LDLRAD4: variants seen among roughly 807,000 people sequenced by gnomAD.
LDLRAD4 encodes the protein low density lipoprotein receptor class A domain containing 4.
A neutral mutation model predicts 17.0 loss-of-function variants in LDLRAD4; 5 were observed. That is an observed-to-expected ratio of 0.29 (90% CI 0.15 to 0.62). The LOEUF (loss-of-function observed/expected upper bound fraction) is 0.62, where lower values mean the gene tolerates loss of function less well. LDLRAD4 is among the 20% of genes least tolerant of loss of function. LDLRAD4 has a pLI of 0.84. For missense variants in LDLRAD4, 340 were observed against 424.7 expected, an observed-to-expected ratio of 0.80 and a Z score of 1.75; for synonymous variants, 168 against 171.8, an observed-to-expected ratio of 0.98 and a Z score of 0.17.
At chr18:13,294,204 T>C (rs1432760168) in intron 1 of LDLRAD4, among the ~76,000 whole-genome samples, 1 of 152,228 alleles carries the variant, frequency 6.6e-6, no homozygotes, top group Middle Eastern at 3.2e-3. Context: ...AGTTTAACTC[T>C]GTAAAGTAAG....
At chr18:13,284,176 G>A (rs915219096) in intron 1 of LDLRAD4, among the ~76,000 whole-genome samples, 1 of 152,154 alleles carries the variant, frequency 6.6e-6, no homozygotes, top group African/African-American at 2.4e-5. Context: ...GATGCCGAAT[G>A]CCCTTGTTCA....
chr18:13,274,354 C>T (rs1193884371), upstream of LDLRAD4, among the ~76,000 whole-genome samples: 1 of 152,174 alleles, frequency 6.6e-6, no homozygotes, highest in Admixed American at 6.5e-5. Flanking sequence ...GCCAGTGACC[C>T]CTCCAGTTCC....
At chr18:13,232,876 G>A (rs778226862) in intron 1 of LDLRAD4, among the ~76,000 whole-genome samples, 1 of 152,228 alleles carries the variant, frequency 6.6e-6, no homozygotes, top group African/African-American at 2.4e-5. Context: ...GAAGCTGGCA[G>A]CAGGGAGAGA....
At chr18:13,356,389 G>A (rs1029011448) in intron 1 of LDLRAD4, among the ~76,000 whole-genome samples, 1 of 152,200 alleles carries the variant, frequency 6.6e-6, no homozygotes, top group Non-Finnish European at 1.5e-5. Flanking sequence ...TAAAGCTAGT[G>A]TAGCTTATTT....
At chr18:13,607,474 G>A (rs910855038) in intron 3 of LDLRAD4, among the ~76,000 whole-genome samples, 1 of 151,924 alleles carries the variant, frequency 6.6e-6, no homozygotes, top group Non-Finnish European at 1.5e-5. Context: ...TGTGCTGTAT[G>A]TGCAGGTTTG....
At chr18:13,529,269 A>T (rs2094088358) in intron 3 of LDLRAD4, among the ~76,000 whole-genome samples, 1 of 152,240 alleles carries the variant, frequency 6.6e-6, no homozygotes, top group African/African-American at 2.4e-5. Flanking sequence ...TTTCAGAACT[A>T]GCTACTTGGG....
rs570055463 is a variant in LDLRAD4 at position 13,345,659 on chromosome 18, G to A, written c.-382-41682G>A. Among the ~76,000 whole-genome samples the A allele has an allele frequency of 1.7e-3, 253 of 152,212 alleles. 2 individuals are homozygous for A. The highest frequency in any genetic ancestry group is 5.8e-3 in the African/African-American group (242 of 41,542). Reference sequence around the variant, plus strand: ...TTGGAATAGTTTCAGAAGGAATGGTGCCAGCTCCTCCTTGTACCTCTGGTA... The same window carrying A: ...TTGGAATAGTTTCAGAAGGAATGGTACCAGCTCCTCCTTGTACCTCTGGTA... On this transcript the variant is annotated intron_variant, in intron 1 of 5. Coordinates refer to ENST00000359446, the Ensembl canonical transcript of LDLRAD4.
chr18:13,368,061 A>G (rs754107914), intron 1 of LDLRAD4, among the ~76,000 whole-genome samples: 3 of 152,096 alleles, frequency 2.0e-5, no homozygotes, highest in Non-Finnish European at 4.4e-5. Context: ...TGTGGGAGGA[A>G]GGGTCTGTTT....
exon 6 of LDLRAD4, chr18:13,652,638 A>AAAG (rs1056584278): frequency 6.2e-4 from 95 of 152,780 alleles, no homozygotes; most frequent in African/African-American, 2.2e-3. Context: ...CAATACTTTT[A>AAAG]AAGAAAGATG....
In LDLRAD4 at chr18:13,572,543, TTTTA is replaced by T. The variant is rs35900079; in HGVS notation, c.182-48570_182-48567del. On this transcript the variant is annotated intron_variant, in intron 3 of 5. Transcript: ENST00000359446. ...TCCTTGTCAAGAGGGTTCCTGAATCTTTTATTTGGCTTCAATGCACATTGAGTAA... is the reference window on the plus strand; with the variant it reads ...TCCTTGTCAAGAGGGTTCCTGAATCTTTTGGCTTCAATGCACATTGAGTAA... Among the ~76,000 whole-genome samples the T allele has an allele frequency of 9.0e-3, 1,368 of 152,344 alleles. 6 individuals carry two copies. The highest frequency in any genetic ancestry group is 0.023 in the South Asian group (112 of 4,824).
chr18:13,224,457 A>C (rs947518021), intron 1 of LDLRAD4, among the ~76,000 whole-genome samples: 1 of 133,330 alleles, frequency 7.5e-6, no homozygotes, highest in African/African-American at 2.8e-5. Flanking sequence ...AGAGCACTAT[A>C]GTTTCTTTCT....
intron 1 of LDLRAD4, among the ~76,000 whole-genome samples, chr18:13,352,473 C>G (rs1245008317): frequency 6.6e-6 from 1 of 152,098 alleles, no homozygotes; most frequent in Non-Finnish European, 1.5e-5. Flanking sequence ...TGCTGATTAT[C>G]TTACTGGATA....
chr18:13,407,248 C>T (rs116597921), intron 2 of LDLRAD4, among the ~76,000 whole-genome samples: 3 of 152,140 alleles, frequency 2.0e-5, no homozygotes. Context: ...CTGAATGTGG[C>T]TCCAGAGCTT....
intron 1 of LDLRAD4, among the ~76,000 whole-genome samples, chr18:13,323,170 G>A (rs112429722): frequency 0.012 from 1,883 of 152,292 alleles, 22 homozygotes; most frequent in African/African-American, 0.034. Context: ...TTAGAAATTT[G>A]CCTTTTAAAA....
intron 1 of LDLRAD4, among the ~76,000 whole-genome samples, chr18:13,294,264 G>A (rs59204123): frequency 6.6e-6 from 1 of 152,248 alleles, no homozygotes; most frequent in Non-Finnish European, 1.5e-5. Context: ...TGAAAGGGCT[G>A]AAGGTGGTCC....
At chr18:13,418,031 A>G (rs2089087059) in intron 2 of LDLRAD4, among the ~76,000 whole-genome samples, 1 of 152,208 alleles carries the variant, frequency 6.6e-6, no homozygotes. Flanking sequence ...ATCTCGTTTA[A>G]GGTGCTGACA....
chr18:13,397,714 C>T (rs577757368), intron 2 of LDLRAD4, among the ~76,000 whole-genome samples: 53 of 152,356 alleles, frequency 3.5e-4, no homozygotes, highest in African/African-American at 1.2e-3. Context: ...ACCCAGCAGG[C>T]CCTGCCCCAG....
intron 1 of LDLRAD4, among the ~76,000 whole-genome samples, chr18:13,359,734 A>G (rs999303271): frequency 2.0e-5 from 3 of 152,206 alleles, no homozygotes; most frequent in African/African-American, 7.2e-5. Context: ...GAGATGATGA[A>G]TGATTTGAAC....
intron 3 of LDLRAD4, chr18:13,487,406 AG>A (rs1568237543): frequency 6.6e-6 from 1 of 152,272 alleles, no homozygotes; most frequent in Non-Finnish European, 1.5e-5. Flanking sequence ...CAGACCAGGA[AG>A]GGCTGCTCAA....
Sources: gnomAD v4.1 joint callset for allele counts (sites outside exome capture counted in the v4.1 genomes callset) on GRCh38, gnomAD v4.1.1 for gene constraint, MANE v1.5 for transcripts, NCBI Gene and HGNC (gene_info 2026-07-23, HGNC 2026-07-21) for gene names.